Variants in KATNAL1 observed in about 807,000 individuals in gnomAD.
KATNAL1 encodes the protein katanin catalytic subunit A1 like 1.
Under a neutral mutation model 55.2 loss-of-function variants are expected in KATNAL1, and 32 were observed. The observed-to-expected ratio is 0.58, with a 90% CI of 0.44 to 0.78. KATNAL1 has a LOEUF of 0.78. Among genes scored for constraint, KATNAL1 ranks in the 30% least tolerant of loss-of-function variants. The pLI is 0.00. For synonymous variants in KATNAL1, 193 were observed against 193.6 expected (o/e 1.00, Z 0.02); for missense variants, 466 against 600.9 (o/e 0.78, Z 2.35).
At chr13:30,219,165 A>T (rs1194826918) in intron 9 of KATNAL1, among the ~76,000 whole-genome samples, 4 of 152,172 alleles carry the variant, frequency 2.6e-5, no homozygotes, top group African/African-American at 4.8e-5. Context: ...CAATTTTTTT[A>T]AATTTTAATA....
intron 10 of KATNAL1, 151 bp from the exon 11 acceptor site, chr13:30,208,889 G>A (rs12430537): frequency 0.073 from 42,089 of 573,234 alleles, 1,793 homozygotes; most frequent in African/African-American, 0.11. Context: ...ACATCCTGGG[G>A]GTTCAGCAGA....
chr13:30,241,099 A>T lies in KATNAL1; in HGVS notation c.493-13T>A. 3.1e-6 allele frequency: 5 copies of T among 1,609,668 alleles called. No homozygotes were observed. Among genetic ancestry groups the T allele is most frequent in the Non-Finnish European group, 4.2e-6 (5 of 1,178,776 alleles). ...TATTCTTCCTTCCCTGGGGATAGGTATAAAAAAAAAGTACTAGTCAGTAAT... is the reference window on the plus strand; with the variant it reads ...TATTCTTCCTTCCCTGGGGATAGGTTTAAAAAAAAAGTACTAGTCAGTAAT... On this transcript the variant is annotated splice_polypyrimidine_tract_variant and intron_variant, in intron 4 of 10. Transcript: ENST00000380615.
At chr13:30,276,489 CAG>C (rs1281842525) in intron 3 of KATNAL1, among the ~76,000 whole-genome samples, 1 of 131,990 alleles carries the variant, frequency 7.6e-6, no homozygotes, top group African/African-American at 2.9e-5. Flanking sequence ...TTGTATAAAA[CAG>C]GGTAAATTAC....
Position 30,255,585 on chromosome 13 carries a change from T to C in KATNAL1, c.354A>G (p.Arg118=). 6.5e-7 allele frequency: 1 copy of C among 1,544,858 alleles called. No individual in the cohort carries two copies. The highest frequency in any genetic ancestry group is 8.7e-7 in the Non-Finnish European group (1 of 1,147,454). Reference sequence around the variant, plus strand: ...TTTCTTTCCTCAGAGGTCTTACTTCTCGATTGGGACGCCTGATCTGAGGTG... The same window carrying C: ...TTTCTTTCCTCAGAGGTCTTACTTCCCGATTGGGACGCCTGATCTGAGGTG... The part of the protein sequence containing the change: ...RAPPQIRRPN[R]EVRPLRKEMA... Residue 118 remains arginine, a synonymous_variant, in exon 4 of 11, where the codon CGA becomes CGG. Transcript: ENST00000380615.
At chr13:30,211,242 T>C (rs541302820) in intron 9 of KATNAL1, among the ~76,000 whole-genome samples, 25 of 152,226 alleles carry the variant, frequency 1.6e-4, no homozygotes, top group Non-Finnish European at 3.5e-4. Context: ...AATCAATGAA[T>C]ACCCATTTCC....
At chr13:30,222,019 C>T (rs1398892203) in intron 9 of KATNAL1, among the ~76,000 whole-genome samples, 1 of 152,092 alleles carries the variant, frequency 6.6e-6, no homozygotes, top group African/African-American at 2.4e-5. Flanking sequence ...CCATTGCCCT[C>T]CAGCCCGGGC....
intron 3 of KATNAL1, among the ~76,000 whole-genome samples, chr13:30,269,746 C>T (rs1593919151): frequency 6.7e-6 from 1 of 149,314 alleles, no homozygotes; most frequent in South Asian, 2.1e-4. Flanking sequence ...AGAGAGGAGA[C>T]CCTCCGCCTG....
intron 4 of KATNAL1, among the ~76,000 whole-genome samples, chr13:30,247,315 A>G (rs558227610): frequency 2.9e-3 from 449 of 152,332 alleles, no homozygotes; most frequent in Non-Finnish European, 3.0e-3. Context: ...AATAAATGCA[A>G]ACAGTGCTTA....
intron 4 of KATNAL1, among the ~76,000 whole-genome samples, chr13:30,245,049 T>C (rs1487433110): frequency 6.6e-6 from 1 of 151,854 alleles, no homozygotes; most frequent in African/African-American, 2.4e-5. Flanking sequence ...CCCTAGCTCA[T>C]TTTATGAGGC....
chr13:30,259,785 A>G (rs1186668501), intron 3 of KATNAL1, among the ~76,000 whole-genome samples: 1 of 152,122 alleles, frequency 6.6e-6, no homozygotes, highest in African/African-American at 2.4e-5. Context: ...AGGCAGCAGC[A>G]AGGCTGGGGG....
intron 7 of KATNAL1, 49 bp from the exon 8 acceptor site, chr13:30,230,643 T>C (rs937848860): frequency 2.9e-5 from 40 of 1,389,920 alleles, no homozygotes; most frequent in Non-Finnish European, 3.4e-5. Flanking sequence ...CATAAAACAA[T>C]TGGAGTATTT....
chr13:30,302,069 G>A (rs1014598880), intron 1 of KATNAL1, among the ~76,000 whole-genome samples: 17 of 152,122 alleles, frequency 1.1e-4, no homozygotes, highest in African/African-American at 3.4e-4. Context: ...ATGATGTCTC[G>A]CCATGTTGCC....
intron 1 of KATNAL1, among the ~76,000 whole-genome samples, chr13:30,284,276 C>G (rs1017158501): frequency 4.6e-5 from 7 of 152,084 alleles, no homozygotes; most frequent in Non-Finnish European, 1.0e-4. Flanking sequence ...AAAAGAACAC[C>G]CACGGAAATA....
At chr13:30,303,198 T>C (rs1375269585) in intron 1 of KATNAL1, among the ~76,000 whole-genome samples, 7 of 152,156 alleles carry the variant, frequency 4.6e-5, no homozygotes, top group Non-Finnish European at 7.4e-5. Context: ...AATCAAACCA[T>C]ACCCCAGCAA....
Position 30,241,148 on chromosome 13 carries a change from C to T in KATNAL1, c.493-62G>A, listed in dbSNP as rs369750223. ...ATGGATAATTTAGTTAACATCATTA[C>T]GCTTTGAAAACATTATAATGCCATC... is the stretch of plus-strand genomic sequence containing the variant. On this transcript the variant is annotated intron_variant, in intron 4 of 10. Coordinates refer to ENST00000380615, the MANE Select transcript of KATNAL1 (RefSeq NM_032116.5). 71 of 1,407,636 alleles carry T rather than the reference C, an allele frequency of 5.0e-5. No homozygotes were observed. The African/African-American group carries it at 6.2e-4, about 12-fold the overall frequency. The allele number at this position is 1,407,636 out of a possible 1,614,324, so 87.2% of individuals were successfully genotyped here.
chr13:30,231,446 G>A lies in KATNAL1; in HGVS notation c.753C>T (p.Gly251=), dbSNP rs777985001. The change falls in exon 7 of 11, where the codon GGC becomes GGT. Residue 251 remains glycine, a synonymous_variant. Coordinates refer to ENST00000380615, the MANE Select transcript of KATNAL1 (RefSeq NM_032116.5). ...WKGVLMVGPP[G]TGKTMLAKAV... ...CTTTAGCTAGCATAGTTTTACCAGT[G>A]CCTGGGGGTCCAACCATCAGTACAC... 5.1e-6 allele frequency: 8 copies of A among 1,581,406 alleles called. No homozygotes were observed. Among genetic ancestry groups the A allele is most frequent in the Non-Finnish European group, 6.9e-6 (8 of 1,164,040 alleles).
chr13:30,251,046 G>A (rs1373917257), intron 4 of KATNAL1, among the ~76,000 whole-genome samples: 3 of 150,310 alleles, frequency 2.0e-5, no homozygotes, highest in African/African-American at 7.3e-5. Flanking sequence ...GCTGAGGCAG[G>A]AGAATGGTGT....
intron 3 of KATNAL1, 132 bp from the exon 4 acceptor site, chr13:30,255,747 C>A: frequency 1.3e-6 from 1 of 795,630 alleles, no homozygotes; most frequent in Non-Finnish European, 1.7e-6. Flanking sequence ...CACCTTTGGC[C>A]AATTCATGGC....
At chr13:30,296,776 C>T (rs1882530001) in intron 1 of KATNAL1, 12 of 460,184 alleles carry the variant, frequency 2.6e-5, no homozygotes, top group South Asian at 1.8e-4. Context: ...TACCTAGGTG[C>T]CTGTGCTGGG....
Sources: gnomAD v4.1 joint callset for allele counts (sites outside exome capture counted in the v4.1 genomes callset) on GRCh38, gnomAD v4.1.1 for gene constraint, MANE v1.5 for transcripts, NCBI Gene and HGNC (gene_info 2026-07-23, HGNC 2026-07-21) for gene names.